Variants in SPECC1 observed in about 807,000 individuals in gnomAD.
The protein encoded by SPECC1 is cytospin-B.
SPECC1 carries 62 observed loss-of-function variants against 104.1 expected under a neutral mutation model. The observed-to-expected ratio is 0.60, with a 90% CI of 0.49 to 0.74. The LOEUF is 0.74. Among genes scored for constraint, SPECC1 ranks in the 30% least tolerant of loss-of-function variants. The probability of loss-of-function intolerance (pLI) is 0.00; values close to 1 mark genes in which losing one functional copy is unlikely to be tolerated. For missense variants in SPECC1, 1,306 were observed against 1,310.5 expected, an observed-to-expected ratio of 1.00 and a Z score of 0.05; for synonymous variants, 513 against 501.6, an observed-to-expected ratio of 1.02 and a Z score of -0.30.
At chr17:20,252,658 T>C (rs2039675223) in intron 9 of SPECC1, among the ~76,000 whole-genome samples, 1 of 152,214 alleles carries the variant, frequency 6.6e-6, no homozygotes, top group African/African-American at 2.4e-5. Context: ...TAGCATAATG[T>C]CTCCAAAACT....
At chr17:20,269,298 C>T (rs577647063) in intron 12 of SPECC1, among the ~76,000 whole-genome samples, 10 of 152,178 alleles carry the variant, frequency 6.6e-5, no homozygotes, top group Non-Finnish European at 1.2e-4. Context: ...GAGGGGCTCA[C>T]GGTGCTGAAA....
At chr17:20,309,734 C>A (rs1045183415) in intron 14 of SPECC1, among the ~76,000 whole-genome samples, 2 of 150,896 alleles carry the variant, frequency 1.3e-5, no homozygotes, top group African/African-American at 4.9e-5. Context: ...TGATTTTGTT[C>A]TTTTTATGGC....
intron 12 of SPECC1, among the ~76,000 whole-genome samples, chr17:20,294,831 C>T: frequency 6.6e-6 from 1 of 152,086 alleles, no homozygotes; most frequent in South Asian, 2.1e-4. Flanking sequence ...AATGACTCTC[C>T]TGAGGGATGG....
chr17:20,316,132 T>C lies in SPECC1; in HGVS notation c.*2067T>C. The C allele has an allele frequency of 4.3e-6, 1 of 231,904 alleles. No homozygotes were observed. Among genetic ancestry groups the C allele is most frequent in the Non-Finnish European group, 8.5e-6 (1 of 117,164 alleles). The allele number at this position is 231,904 out of a possible 1,614,324, so 14.4% of individuals were successfully genotyped here. A position where few individuals can be genotyped will look rare whatever the true frequency, so the allele number is the denominator to read the frequency against. On this transcript the variant is annotated 3_prime_UTR_variant, in exon 15 of 15. Transcript: ENST00000395527. ...CATAGAACCAATTCAACCTGAAAGT[T>C]ACTACTTCTGCTGATTCAGGCACTT...
chr17:20,099,106 G>A (rs2047794219), intron 2 of SPECC1, among the ~76,000 whole-genome samples: 1 of 152,168 alleles, frequency 6.6e-6, no homozygotes, highest in Non-Finnish European at 1.5e-5. Flanking sequence ...TCAGATGAAG[G>A]TAACACCTTC....
At chr17:20,167,231 A>G (rs2033733193) in intron 3 of SPECC1, among the ~76,000 whole-genome samples, 1 of 148,850 alleles carries the variant, frequency 6.7e-6, no homozygotes, top group Admixed American at 6.7e-5. Flanking sequence ...TATAATGTAT[A>G]TAATCAGGAA....
intron 4 of SPECC1, among the ~76,000 whole-genome samples, chr17:20,211,861 G>C (rs2037173911): frequency 6.6e-6 from 1 of 152,170 alleles, no homozygotes; most frequent in African/African-American, 2.4e-5. Context: ...TTTTCTCCTG[G>C]ACACGTTAAT....
rs1023337883 is a variant in SPECC1 at position 20,205,137 on chromosome 17, A to G, written c.1088A>G (p.Asn363Ser). 8 of 1,614,042 alleles carry G rather than the reference A, an allele frequency of 5.0e-6. No homozygotes were observed. The highest frequency in any genetic ancestry group is 1.7e-5 in the Admixed American group (1 of 60,006). Reference protein sequence around the residue: ...SKCSTAGSSPNSVSELSLASL... With the variant: ...SKCSTAGSSPSSVSELSLASL... ...TGTTCTACTGCTGGGAGTTCCCCAA[A>G]CAGCGTAAGTGAATTGTCCCTGGCT... Residue 363 changes from asparagine to serine, a missense_variant, in exon 4 of 15, where the codon AAC (asparagine) becomes AGC (serine). Transcript: ENST00000395527.
Position 20,204,528 on chromosome 17 carries a change from G to A in SPECC1, c.479G>A (p.Gly160Asp), listed in dbSNP as rs762336486. 3.7e-6 allele frequency: 6 copies of A among 1,614,036 alleles called. No individual in the cohort carries two copies. Among genetic ancestry groups the A allele is most frequent in the South Asian group, 1.1e-5 (1 of 91,080 alleles). Residue 160 changes from glycine to aspartate, a missense_variant, in exon 4 of 15, where the codon GGT becomes GAT. By Grantham distance (94) the Gly-to-Asp change is moderately conservative. This residue lies in a region of SPECC1 where 1,177 missense variants were observed against 1,139.9 expected (regional missense o/e 1.03). Transcript: ENST00000395527. Reference sequence around the variant, plus strand: ...ACAAAGCCCAAGCAAGAGAATGAAGGTGGAGAAAAGGCTGCGCTTGAGTCC... The same window carrying A: ...ACAAAGCCCAAGCAAGAGAATGAAGATGGAGAAAAGGCTGCGCTTGAGTCC... ...PSTKPKQENE[G>D]GEKAALESQV...
At chr17:20,123,046 G>A (rs1441188073) in intron 3 of SPECC1, among the ~76,000 whole-genome samples, 1 of 152,150 alleles carries the variant, frequency 6.6e-6, no homozygotes, top group Non-Finnish European at 1.5e-5. Context: ...GTTGGTGTAG[G>A]GTAAGATTTC....
At chr17:20,024,966 A>G (rs780318182) in intron 1 of SPECC1, among the ~76,000 whole-genome samples, 2 of 152,208 alleles carry the variant, frequency 1.3e-5, no homozygotes, top group Non-Finnish European at 2.9e-5. Context: ...ACTTTGCACA[A>G]TGTAGATAAA....
rs1450921121 is a variant in SPECC1 at position 20,315,434 on chromosome 17, C to A, written c.*1369C>A. On this transcript the variant is annotated 3_prime_UTR_variant, in exon 15 of 15. Coordinates refer to ENST00000395527, the MANE Select transcript of SPECC1 (RefSeq NM_001243439.2). ...GGTGGCTCTGCCGTGTTCTTCTGGGCGGATCTGTGTGCACTACACAGCGAG... is the reference window on the plus strand; with the variant it reads ...GGTGGCTCTGCCGTGTTCTTCTGGGAGGATCTGTGTGCACTACACAGCGAG... The A allele has an allele frequency of 3.4e-5, 8 of 232,534 alleles. No homozygotes were observed. The highest frequency in any genetic ancestry group is 1.5e-4 in the African/African-American group (7 of 45,296). The allele number at this position is 232,534 out of a possible 1,614,324, so 14.4% of individuals were successfully genotyped here. A position where few individuals can be genotyped will look rare whatever the true frequency, so the allele number is the denominator to read the frequency against.
chr17:20,176,215 A>G (rs1353840387), intron 3 of SPECC1, among the ~76,000 whole-genome samples: 1 of 152,230 alleles, frequency 6.6e-6, no homozygotes, highest in African/African-American at 2.4e-5. Context: ...AAAGCCCAGA[A>G]GTTAATAAGT....
At chr17:20,237,921 T>C (rs2039010641) in intron 7 of SPECC1, 2 of 509,780 alleles carry the variant, frequency 3.9e-6, no homozygotes, top group African/African-American at 4.2e-5. Context: ...TTTGTATTTT[T>C]AGTAGAGATG....
rs74863649 is a variant in SPECC1, at chr17:20,227,970, G to T, written c.2071+350G>T. On this transcript the variant is annotated intron_variant, in intron 5 of 14. Coordinates refer to ENST00000395527, the MANE Select transcript of SPECC1 (RefSeq NM_001243439.2). ...AACCAGCAGCAGTGGGTGACGAGGGGGGGTGGGTTTGACTGTATGTTGGCT... is the reference window on the plus strand; with the variant it reads ...AACCAGCAGCAGTGGGTGACGAGGGTGGGTGGGTTTGACTGTATGTTGGCT... 3.9e-5 allele frequency among the ~76,000 whole-genome samples: 6 copies of T among 152,200 alleles called. No homozygotes were observed. In the East Asian group the frequency reaches 7.7e-4, roughly 20 times the overall value.
At chr17:20,169,277 CAG>C (rs1474618946) in intron 3 of SPECC1, among the ~76,000 whole-genome samples, 2 of 152,330 alleles carry the variant, frequency 1.3e-5, no homozygotes, top group East Asian at 1.9e-4. Context: ...ACTATCTACT[CAG>C]GGGCATAGAT....
intron 7 of SPECC1, among the ~76,000 whole-genome samples, chr17:20,240,767 C>G (rs1341083836): frequency 3.9e-5 from 6 of 152,200 alleles, no homozygotes; most frequent in Non-Finnish European, 8.8e-5. Flanking sequence ...TTAAAATATT[C>G]ATAGATTATT....
chr17:20,116,845 C>A (rs2048785827), intron 3 of SPECC1, among the ~76,000 whole-genome samples: 1 of 110,046 alleles, frequency 9.1e-6, no homozygotes, highest in Non-Finnish European at 1.7e-5. Flanking sequence ...GCTGTCATGA[C>A]TCGGGGCTGC....
At chr17:20,120,578 CTA>C (rs2048978149) in intron 3 of SPECC1, among the ~76,000 whole-genome samples, 1 of 152,032 alleles carries the variant, frequency 6.6e-6, no homozygotes. Flanking sequence ...AGGAAATCAA[CTA>C]TATATTAGAC....
Sources: allele counts gnomAD v4.1 joint callset (sites outside exome capture counted in the v4.1 genomes callset), GRCh38; gene constraint gnomAD v4.1.1; regional missense constraint gnomAD v4.1.1; transcripts MANE v1.5; gene names NCBI Gene and HGNC (gene_info 2026-07-23, HGNC 2026-07-21).